Variants in NEDD4 observed in about 807,000 individuals in gnomAD.
The protein encoded by NEDD4 is NEDD4 E3 ubiquitin protein ligase.
NEDD4 carries 99 observed loss-of-function variants against 144.9 expected under a neutral mutation model. The observed-to-expected ratio is 0.68, with a 90% CI of 0.58 to 0.81. The LOEUF is 0.81. Among genes scored for constraint, NEDD4 ranks in the 30% least tolerant of loss-of-function variants. NEDD4 has a pLI of 0.00. For synonymous variants in NEDD4, 318 were observed against 350.6 expected, an observed-to-expected ratio of 0.91 and a Z score of 1.04; for missense variants, 985 against 1,065.9, an observed-to-expected ratio of 0.92 and a Z score of 1.06.
At chr15:55,944,109 T>C (rs1175795087) in intron 4 of NEDD4, among the ~76,000 whole-genome samples, 2 of 152,172 alleles carry the variant, frequency 1.3e-5, no homozygotes, top group East Asian at 3.9e-4. Flanking sequence ...CCACCTGAGG[T>C]GCCTGGTTCA....
chr15:55,977,332 T>C (rs1181494882), intron 1 of NEDD4, among the ~76,000 whole-genome samples: 1 of 152,226 alleles, frequency 6.6e-6, no homozygotes, highest in Non-Finnish European at 1.5e-5. Flanking sequence ...CTGTAAAGGT[T>C]TGTAGACTAG....
At chr15:55,970,466 A>C (rs549972822) in intron 1 of NEDD4, among the ~76,000 whole-genome samples, 2 of 152,312 alleles carry the variant, frequency 1.3e-5, no homozygotes, top group South Asian at 4.1e-4. Context: ...GGCAAAATCC[A>C]GTACTGTGTT....
intron 9 of NEDD4, among the ~76,000 whole-genome samples, chr15:55,861,285 GC>G (rs1257967335): frequency 6.6e-6 from 1 of 152,102 alleles, no homozygotes; most frequent in Non-Finnish European, 1.5e-5. Flanking sequence ...ATAATGAAAA[GC>G]TTAATGGTTT....
In NEDD4 at chr15:55,943,417, G is replaced by A. The variant is rs1235638890; in HGVS notation, c.237+7959C>T. On this transcript the variant is annotated intron_variant, in intron 4 of 28. Transcript: ENST00000435532. Reference sequence around the variant, plus strand: ...TTTCATAGACCAGGCCCAGGGCCCTGCTGCCCTACACAACCTTGGGACACT... The same window carrying A: ...TTTCATAGACCAGGCCCAGGGCCCTACTGCCCTACACAACCTTGGGACACT... Among the ~76,000 whole-genome samples the A allele has an allele frequency of 2.0e-5, 3 of 152,260 alleles. No individual in the cohort carries two copies. The East Asian group carries it at 5.8e-4, about 29-fold the overall frequency.
At chr15:55,953,081 C>T (rs2037273659) in intron 2 of NEDD4, among the ~76,000 whole-genome samples, 1 of 151,876 alleles carries the variant, frequency 6.6e-6, no homozygotes, top group Non-Finnish European at 1.5e-5. Flanking sequence ...CCTCTGCCTC[C>T]TGGGTTCATG....
Position 55,860,381 on chromosome 15 carries a change from C to T in NEDD4, c.960+26G>A, listed in dbSNP as rs749025176. Reference sequence around the variant, plus strand: ...TATGCATAATATAAACTACTGAAGCCGTAACAAAATCTAAGAGCATCTTAC... The same window carrying T: ...TATGCATAATATAAACTACTGAAGCTGTAACAAAATCTAAGAGCATCTTAC... On this transcript the variant is annotated intron_variant, in intron 11 of 28. Coordinates refer to ENST00000435532, the MANE Select transcript of NEDD4 (RefSeq NM_006154.4). The T allele has an allele frequency of 1.6e-5, 25 of 1,610,242 alleles. No homozygotes were observed. The Middle Eastern group carries it at 4.9e-4, about 32-fold the overall frequency.
intron 1 of NEDD4, among the ~76,000 whole-genome samples, chr15:55,982,848 G>A (rs2037826012): frequency 6.6e-6 from 1 of 152,156 alleles, no homozygotes; most frequent in South Asian, 2.1e-4. Flanking sequence ...AGGGCTGGGG[G>A]TGGTGGCTCA....
chr15:55,966,423 A>G (rs2037513777), intron 2 of NEDD4, 50 bp downstream of exon 2: 7 of 1,155,412 alleles, frequency 6.1e-6, no homozygotes, highest in Non-Finnish European at 3.6e-6. Flanking sequence ...GGAAAAAACT[A>G]ATTAACAAAT....
chr15:55,858,201 T>G (rs180760882), intron 11 of NEDD4, among the ~76,000 whole-genome samples: 1 of 152,166 alleles, frequency 6.6e-6, no homozygotes, highest in South Asian at 2.1e-4. Context: ...AATGGCTGCA[T>G]AGTATTACAC....
intron 12 of NEDD4, 91 bp from the exon 13 acceptor site, chr15:55,852,634 C>T: frequency 8.5e-7 from 1 of 1,177,832 alleles, no homozygotes; most frequent in Non-Finnish European, 1.2e-6. Flanking sequence ...TATGTCTACT[C>T]TCAGCCCCAA....
chr15:55,844,057 A>G (rs2033634330), intron 18 of NEDD4, among the ~76,000 whole-genome samples: 1 of 152,316 alleles, frequency 6.6e-6, no homozygotes, highest in East Asian at 1.9e-4. Context: ...TGAGCTATTG[A>G]CTTCAAATGA....
At chr15:55,861,039 A>G (rs567898708) in intron 9 of NEDD4, among the ~76,000 whole-genome samples, 56 of 152,366 alleles carry the variant, frequency 3.7e-4, no homozygotes, top group African/African-American at 1.3e-3. Context: ...TATGTCTAGG[A>G]TAATGTCCAA....
rs533903478 is a variant in NEDD4, at chr15:55,967,879, A to G, written c.46-1333T>C. ...CTCCAAAAAATAAGCCAGGCATGAT[A>G]ACTTGTGTCTGTAATCCCAGCTACT... On this transcript the variant is annotated intron_variant, in intron 1 of 28. Transcript: ENST00000435532. Among the ~76,000 whole-genome samples the G allele has an allele frequency of 6.2e-3, 939 of 152,176 alleles. 9 individuals carry two copies. The highest frequency in any genetic ancestry group is 0.022 in the African/African-American group (893 of 41,512).
intron 21 of NEDD4, among the ~76,000 whole-genome samples, chr15:55,839,999 A>AATATATATATATATAT (rs1176994871): frequency 3.8e-5 from 1 of 26,142 alleles, no homozygotes; most frequent in African/African-American, 1.5e-4. Flanking sequence ...AAAAAAAAAA[A>AATATATATATATATAT]ATATATATAT....
chr15:55,899,025 A>C (rs1377868131), intron 5 of NEDD4, among the ~76,000 whole-genome samples: 1 of 152,236 alleles, frequency 6.6e-6, no homozygotes, highest in Non-Finnish European at 1.5e-5. Flanking sequence ...TAGTAAGCAC[A>C]AATGATGCAC....
intron 5 of NEDD4, among the ~76,000 whole-genome samples, chr15:55,879,694 G>A (rs2035115636): frequency 6.6e-6 from 1 of 152,034 alleles, no homozygotes. Context: ...TGAACCACCT[G>A]TCAAACAAGA....
chr15:55,980,471 A>G (rs1389488180), intron 1 of NEDD4, among the ~76,000 whole-genome samples: 1 of 152,214 alleles, frequency 6.6e-6, no homozygotes, highest in African/African-American at 2.4e-5. Context: ...AGAATCCCAC[A>G]GTGAAATGGT....
At chr15:55,974,498 C>T (rs892348856) in intron 1 of NEDD4, among the ~76,000 whole-genome samples, 2 of 152,004 alleles carry the variant, frequency 1.3e-5, no homozygotes, top group Non-Finnish European at 2.9e-5. Flanking sequence ...CTCTGATAAA[C>T]ATTGATGCAA....
chr15:55,937,265 T>A (rs896795156), intron 4 of NEDD4, among the ~76,000 whole-genome samples: 24 of 152,354 alleles, frequency 1.6e-4, no homozygotes, highest in African/African-American at 5.8e-4. Flanking sequence ...AAGTTTTTGC[T>A]GTAATATGTT....
Sources: gnomAD v4.1 joint callset for allele counts (sites outside exome capture counted in the v4.1 genomes callset) on GRCh38, gnomAD v4.1.1 for gene constraint, MANE v1.5 for transcripts, NCBI Gene and HGNC (gene_info 2026-07-23, HGNC 2026-07-21) for gene names.